The following NRXN3 variants were observed in gnomAD, a reference collection of about 807,000 sequenced individuals.
NRXN3 encodes the protein neurexin 3.
Under a neutral mutation model 137.6 loss-of-function variants are expected in NRXN3, and 32 were observed. That is an observed-to-expected ratio of 0.23 (90% confidence interval 0.18 to 0.31). The LOEUF (loss-of-function observed/expected upper bound fraction) is 0.31, where lower values mean the gene tolerates loss of function less well. NRXN3 is among the 10% of genes least tolerant of loss of function. The pLI, the probability that NRXN3 is intolerant of heterozygous loss-of-function variation, is 1.00. For missense variants in NRXN3, 1,574 were observed against 2,062.5 expected (o/e 0.76, Z 4.59); for synonymous variants, 798 against 784.5 (o/e 1.02, Z -0.29).
At chr14:78,312,306 C>T (rs772231918) in intron 4 of NRXN3, among the ~76,000 whole-genome samples, 3 of 152,188 alleles carry the variant, frequency 2.0e-5, no homozygotes, top group Non-Finnish European at 4.4e-5. Context: ...GTACCACTTA[C>T]ACAGACTTGC....
intron 8 of NRXN3, among the ~76,000 whole-genome samples, chr14:78,767,296 C>A (rs542475263): frequency 7.9e-5 from 12 of 152,272 alleles, no homozygotes; most frequent in South Asian, 2.1e-4. Context: ...ATAGCAGCTT[C>A]TTCAAAGTTA....
chr14:78,609,053 G>A (rs1434009146), intron 4 of NRXN3, among the ~76,000 whole-genome samples: 1 of 152,094 alleles, frequency 6.6e-6, no homozygotes, highest in Non-Finnish European at 1.5e-5. Flanking sequence ...AATGGGGATA[G>A]GATTCAGGGC....
rs530917990 is a variant in NRXN3, at chr14:78,482,045, AC to A, written c.758-163072del. 2.4e-4 allele frequency among the ~76,000 whole-genome samples: 36 copies of A among 152,324 alleles called. No individual in the cohort carries two copies. The South Asian group carries it at 7.5e-3, about 32-fold the overall frequency. On this transcript the variant is annotated intron_variant, in intron 4 of 20. Coordinates refer to ENST00000335750, the MANE Select transcript of NRXN3 (RefSeq NM_001330195.2). ...AAGTTAATCCCTGTGAAACACAGAA[AC>A]CCACCACAAATGGTAAAATCCCAAG...
chr14:78,651,117 C>A (rs781076650), intron 5 of NRXN3, 48 bp from the exon 6 acceptor site: 10 of 1,576,928 alleles, frequency 6.3e-6, no homozygotes, highest in Non-Finnish European at 7.8e-6. Context: ...ATGATAGGAT[C>A]GTAAGGTCAT....
intron 15 of NRXN3, among the ~76,000 whole-genome samples, chr14:79,137,106 A>G (rs1047508255): frequency 1.3e-5 from 2 of 152,362 alleles, no homozygotes; most frequent in South Asian, 2.1e-4. Context: ...TTTTGTTTCT[A>G]TATGTCCTGG....
chr14:79,811,558 CTTTCT>C (rs1161661736), intron 20 of NRXN3, among the ~76,000 whole-genome samples: 4 of 146,878 alleles, frequency 2.7e-5, no homozygotes, highest in East Asian at 2.0e-4. Flanking sequence ...AGTTATTTCA[CTTTCT>C]TTTCTTTTTT....
intron 8 of NRXN3, among the ~76,000 whole-genome samples, chr14:78,750,885 C>T (rs1272202241): frequency 6.6e-6 from 1 of 152,164 alleles, no homozygotes. Context: ...TCTTTGATAG[C>T]TTATTACTTA....
chr14:78,803,684 T>C lies in NRXN3; in HGVS notation c.2109T>C (p.His703=), dbSNP rs1404322554. Reference sequence around the variant, plus strand: ...AGATCATCATGCCCATGGTCATGCATACTGAGGCAGAGGATGTGTCCTTCC... The same window carrying C: ...AGATCATCATGCCCATGGTCATGCACACTGAGGCAGAGGATGTGTCCTTCC... The part of the protein sequence containing the change: ...YMKIIMPMVM[H]TEAEDVSFRF... Residue 703 remains histidine, a synonymous_variant, in exon 9 of 21, where the codon CAT becomes CAC. Transcript: ENST00000335750. 1.1e-5 allele frequency: 17 copies of C among 1,614,046 alleles called. No homozygotes were observed. In the East Asian group the frequency reaches 3.8e-4, roughly 36 times the overall value.
Position 78,230,560 on chromosome 14 carries a change from G to C in NRXN3, c.-703-11831G>C, listed in dbSNP as rs571614026. ...CTAAGCTCTGCAAGTCCTAAAACTTGTCCTAGAGGAGACACTGGAGTGTGG... is the reference window on the plus strand; with the variant it reads ...CTAAGCTCTGCAAGTCCTAAAACTTCTCCTAGAGGAGACACTGGAGTGTGG... On this transcript the variant is annotated intron_variant, in intron 1 of 20. Coordinates refer to ENST00000335750, the MANE Select transcript of NRXN3 (RefSeq NM_001330195.2). Among the ~76,000 whole-genome samples the C allele has an allele frequency of 7.9e-5, 12 of 152,166 alleles. 1 individual carries two copies. Among genetic ancestry groups the C allele is most frequent in the Middle Eastern group, 6.3e-3 (2 of 316 alleles).
intron 15 of NRXN3, among the ~76,000 whole-genome samples, chr14:79,365,741 A>G (rs909268883): frequency 4.2e-5 from 6 of 143,048 alleles, no homozygotes; most frequent in African/African-American, 7.7e-5. Flanking sequence ...AAAAAAAAAA[A>G]AAAGAAAAAA....
chr14:78,622,691 C>T lies in NRXN3; in HGVS notation c.758-22429C>T, dbSNP rs189603812. On this transcript the variant is annotated intron_variant, in intron 4 of 20. Coordinates refer to ENST00000335750, the MANE Select transcript of NRXN3 (RefSeq NM_001330195.2). ...TCTGTGAGTGCAGGGTGATTGGGCA[C>T]GCAGTAGGAGAAGCACTCAGGGTTA... is the stretch of plus-strand genomic sequence containing the variant. Among the ~76,000 whole-genome samples, 642 of 152,322 alleles carry T rather than the reference C, an allele frequency of 4.2e-3. 2 individuals carry two copies. The highest frequency in any genetic ancestry group is 7.2e-3 in the Non-Finnish European group (490 of 68,026).
chr14:78,638,462 C>A lies in NRXN3; in HGVS notation c.758-6658C>A, dbSNP rs141668217. 2.0e-3 allele frequency among the ~76,000 whole-genome samples: 304 copies of A among 152,302 alleles called. 1 individual carries two copies. Among genetic ancestry groups the A allele is most frequent in the Non-Finnish European group, 3.5e-3 (235 of 68,026 alleles). ...AAAATACATTGTAAGGGAAATGAGA[C>A]AGGGAGAGCCAAGAGTGCAGTTCAC... On this transcript the variant is annotated intron_variant, in intron 4 of 20. Coordinates refer to ENST00000335750, the MANE Select transcript of NRXN3 (RefSeq NM_001330195.2).
chr14:78,823,844 A>T (rs567833339), intron 10 of NRXN3, among the ~76,000 whole-genome samples: 13 of 152,316 alleles, frequency 8.5e-5, no homozygotes, highest in African/African-American at 3.1e-4. Flanking sequence ...GTTAAAAAAA[A>T]AATAGCTGTG....
chr14:79,293,374 C>T (rs904150549), intron 15 of NRXN3, among the ~76,000 whole-genome samples: 1 of 152,258 alleles, frequency 6.6e-6, no homozygotes, highest in African/African-American at 2.4e-5. Flanking sequence ...TCATCAAATG[C>T]GAAACCTGCA....
chr14:78,632,107 C>T (rs1323666695), intron 4 of NRXN3, among the ~76,000 whole-genome samples: 1 of 145,462 alleles, frequency 6.9e-6, no homozygotes, highest in African/African-American at 2.6e-5. Flanking sequence ...GAGCGAGACT[C>T]CGTCTCAAAA....
chr14:78,179,015 A>G (rs2153346612), intron 1 of NRXN3, among the ~76,000 whole-genome samples: 1 of 152,214 alleles, frequency 6.6e-6, no homozygotes, highest in East Asian at 1.9e-4. Context: ...AGGGGAAGAC[A>G]CCTGCTGACC....
At chr14:79,154,250 A>G (rs1362472052) in intron 15 of NRXN3, among the ~76,000 whole-genome samples, 2 of 151,972 alleles carry the variant, frequency 1.3e-5, no homozygotes, top group Non-Finnish European at 2.9e-5. Context: ...CACACCTGAT[A>G]GCCATGTTGT....
At chr14:79,698,934 C>T (rs906257843) in intron 19 of NRXN3, among the ~76,000 whole-genome samples, 2 of 151,952 alleles carry the variant, frequency 1.3e-5, no homozygotes, top group Non-Finnish European at 2.9e-5. Flanking sequence ...CCTATGTGTT[C>T]CCATTTTTCA....
At chr14:78,711,387 T>C (rs1031120520) in intron 7 of NRXN3, among the ~76,000 whole-genome samples, 4 of 151,156 alleles carry the variant, frequency 2.6e-5, no homozygotes, top group African/African-American at 9.7e-5. Context: ...ATTTCAGAAG[T>C]CTTAAATTTC....
Sources: allele counts gnomAD v4.1 joint callset (sites outside exome capture counted in the v4.1 genomes callset), GRCh38; gene constraint gnomAD v4.1.1; transcripts MANE v1.5; gene names NCBI Gene and HGNC (gene_info 2026-07-23, HGNC 2026-07-21).